Variants in PDE10A observed in about 807,000 individuals in gnomAD.
PDE10A encodes the protein phosphodiesterase 10A.
Under a neutral mutation model 97.7 loss-of-function variants are expected in PDE10A, and 39 were observed. The observed-to-expected ratio is 0.40, with a 90% CI of 0.31 to 0.52. The LOEUF (loss-of-function observed/expected upper bound fraction) is 0.52, where lower values mean the gene tolerates loss of function less well. Ranked by LOEUF, PDE10A falls within the 20% of genes least tolerant of loss-of-function variation. The pLI, the probability that PDE10A is intolerant of heterozygous loss-of-function variation, is 0.56. For synonymous variants in PDE10A, 371 were observed against 376.8 expected (o/e 0.98, Z 0.18); for missense variants, 731 against 1,047.8 (o/e 0.70, Z 4.17).
chr6:165,588,046 T>C (rs573200808), intron 1 of PDE10A, among the ~76,000 whole-genome samples: 8 of 152,354 alleles, frequency 5.3e-5, no homozygotes, highest in African/African-American at 1.9e-4. Flanking sequence ...GTATTTTCTT[T>C]ATCATCAATA....
At chr6:165,458,923 C>G in intron 3 of PDE10A, among the ~76,000 whole-genome samples, 1 of 152,088 alleles carries the variant, frequency 6.6e-6, no homozygotes, top group East Asian at 1.9e-4. Context: ...GATTATGACC[C>G]CCCACCCGTC....
chr6:165,777,534 C>G (rs999448823), intron 1 of PDE10A, among the ~76,000 whole-genome samples: 1 of 152,154 alleles, frequency 6.6e-6, no homozygotes, highest in Admixed American at 6.5e-5. Context: ...CAGACAGACT[C>G]TGAGTTATCC....
At chr6:165,451,544 C>A (rs1183822161) in intron 3 of PDE10A, among the ~76,000 whole-genome samples, 6 of 152,204 alleles carry the variant, frequency 3.9e-5, no homozygotes, top group African/African-American at 1.4e-4. Context: ...CTCAAAACTG[C>A]GTCTCACACC....
At chr6:165,843,319 A>G (rs1326019384) in intron 1 of PDE10A, among the ~76,000 whole-genome samples, 2 of 151,952 alleles carry the variant, frequency 1.3e-5, no homozygotes, top group Non-Finnish European at 2.9e-5. Context: ...GGCATCCCAG[A>G]GCAGACACAC....
intron 1 of PDE10A, among the ~76,000 whole-genome samples, chr6:165,706,989 A>G (rs944530835): frequency 6.6e-6 from 1 of 152,240 alleles, no homozygotes; most frequent in Non-Finnish European, 1.5e-5. Flanking sequence ...ATGTTCACCC[A>G]GTAAGCCTGT....
At position 165,428,719 on chromosome 6, in the gene PDE10A, A is replaced by AG; in HGVS notation, c.1602-11dup. The AG allele has an allele frequency of 9.2e-7, 1 of 1,092,786 alleles. No homozygotes were observed. Among genetic ancestry groups the AG allele is most frequent in the Non-Finnish European group, 1.4e-6 (1 of 723,402 alleles). The allele number at this position is 1,092,786 out of a possible 1,614,324, so 67.7% of individuals were successfully genotyped here. A position where few individuals can be genotyped will look rare whatever the true frequency, so the allele number is the denominator to read the frequency against. On this transcript the variant is annotated splice_polypyrimidine_tract_variant and intron_variant, in intron 9 of 21. Transcript: ENST00000539869. ...GTTATCAAAATATGTTCTGAAAAAA[A>AG]GAAACATAAATCCTGTAAGTAATTT...
Position 165,431,419 on chromosome 6 carries a change from C to A in PDE10A, c.1542+3G>T. 6.3e-7 allele frequency: 1 copy of A among 1,596,086 alleles called. No individual in the cohort carries two copies. The highest frequency in any genetic ancestry group is 8.6e-7 in the Non-Finnish European group (1 of 1,169,050). On this transcript the variant is annotated splice_donor_region_variant and intron_variant, in intron 8 of 21. Coordinates refer to ENST00000539869, the MANE Select transcript of PDE10A (RefSeq NM_001385079.1). ...CCCCTGCAAAAACACCCCAAAGACT[C>A]ACCTGCACCTGATGTATTGCTACTG... is the stretch of plus-strand genomic sequence containing the variant.
At chr6:165,482,264 C>G in intron 3 of PDE10A, 51 bp downstream of exon 3, 1 of 1,248,248 alleles carries the variant, frequency 8.0e-7, no homozygotes, top group Non-Finnish European at 1.2e-6. Context: ...ATAAACAAAA[C>G]AGATTCATTT....
chr6:165,893,723 A>C (rs1467563182), intron 1 of PDE10A, among the ~76,000 whole-genome samples: 1 of 152,178 alleles, frequency 6.6e-6, no homozygotes, highest in African/African-American at 2.4e-5. Flanking sequence ...GCACCCTGCT[A>C]AATATATAGC....
chr6:165,770,640 G>A (rs1026305606), intron 1 of PDE10A, among the ~76,000 whole-genome samples: 4 of 152,152 alleles, frequency 2.6e-5, no homozygotes, highest in Non-Finnish European at 1.5e-5. Context: ...TGCCTGGGGA[G>A]CGACTCAAGA....
chr6:165,353,184 A>G (rs1441366753), intron 18 of PDE10A, among the ~76,000 whole-genome samples: 1 of 152,186 alleles, frequency 6.6e-6, no homozygotes, highest in Non-Finnish European at 1.5e-5. Context: ...GAAAACTGAC[A>G]ATGCCCAATG....
At chr6:165,516,639 T>C (rs780608123) in intron 2 of PDE10A, among the ~76,000 whole-genome samples, 5 of 152,200 alleles carry the variant, frequency 3.3e-5, no homozygotes, top group Non-Finnish European at 5.9e-5. Flanking sequence ...GTAATTTTCA[T>C]AAATGGATAA....
chr6:165,403,715 T>C (rs535892621), intron 13 of PDE10A, among the ~76,000 whole-genome samples: 8 of 152,308 alleles, frequency 5.3e-5, no homozygotes, highest in Admixed American at 4.6e-4. Context: ...ATCAAATACA[T>C]ACTCCACATA....
rs946146298 is a variant in PDE10A at position 165,331,850 on chromosome 6, G to T, written c.*1175C>A. On this transcript the variant is annotated 3_prime_UTR_variant, in exon 22 of 22. Coordinates refer to ENST00000539869, the MANE Select transcript of PDE10A (RefSeq NM_001385079.1). The stretch of plus-strand genomic sequence containing the variant: ...TATGGAGTGATCTGATCTGTGAGAA[G>T]AGTAAAGAGAACAGAAAGAAGGTCC... The T allele has an allele frequency of 2.0e-5, 3 of 152,204 alleles. No homozygotes were observed. Among genetic ancestry groups the T allele is most frequent in the African/African-American group, 7.2e-5 (3 of 41,450 alleles). The allele number at this position is 152,204 out of a possible 1,614,324, so 9.4% of individuals were successfully genotyped here. A position where few individuals can be genotyped will look rare whatever the true frequency, so the allele number is the denominator to read the frequency against.
chr6:165,765,481 T>C (rs1175799976), intron 1 of PDE10A, among the ~76,000 whole-genome samples: 2 of 152,250 alleles, frequency 1.3e-5, no homozygotes, highest in Non-Finnish European at 2.9e-5. Context: ...GCCGGTGGGC[T>C]GGCACTGCTG....
At chr6:165,735,096 ATAGG>A (rs1044503832) in intron 1 of PDE10A, among the ~76,000 whole-genome samples, 8 of 150,266 alleles carry the variant, frequency 5.3e-5, no homozygotes, top group Admixed American at 4.0e-4. Context: ...AGGTAGGTAG[ATAGG>A]TAGGCAGGTT....
chr6:165,913,786 C>T (rs1782531527), intron 1 of PDE10A, among the ~76,000 whole-genome samples: 1 of 152,126 alleles, frequency 6.6e-6, no homozygotes, highest in Admixed American at 6.5e-5. Context: ...GCTAAAAGAA[C>T]TATAGCAAAG....
rs920647528 is a variant in PDE10A, at chr6:165,906,302, C to T, written c.-615+81227G>A. Among the ~76,000 whole-genome samples, 9 of 151,522 alleles carry T rather than the reference C, an allele frequency of 5.9e-5. No individual in the cohort carries two copies. In the East Asian group the frequency reaches 1.6e-3, roughly 27 times the overall value. ...CCGTTTAGCTTTCCCAGCATAAAAC[C>T]ATTTCACACTTTTCCCAGCCTCCTA... On this transcript the variant is annotated intron_variant, in intron 1 of 19. Transcript: ENST00000366882.
chr6:165,389,881 T>C (rs1785562295), intron 16 of PDE10A, among the ~76,000 whole-genome samples: 1 of 151,854 alleles, frequency 6.6e-6, no homozygotes, highest in Non-Finnish European at 1.5e-5. Flanking sequence ...AAATACTTGA[T>C]AAAAATTGAA....
Sources: gnomAD v4.1 joint callset for allele counts (sites outside exome capture counted in the v4.1 genomes callset) on GRCh38, gnomAD v4.1.1 for gene constraint, MANE v1.5 for transcripts, NCBI Gene and HGNC (gene_info 2026-07-23, HGNC 2026-07-21) for gene names.